Variants in NEK9 observed in about 807,000 individuals in gnomAD.
NEK9 encodes the protein NIMA related kinase 9.
NEK9 carries 75 observed loss-of-function variants against 123.4 expected under a neutral mutation model. The ratio of observed to expected loss-of-function variants is 0.61; its 90% confidence interval spans 0.50 to 0.74. NEK9 has a LOEUF of 0.74. NEK9 is among the 30% of genes least tolerant of loss of function. The pLI is 0.00. For missense variants in NEK9, 952 were observed against 1,214.4 expected (o/e 0.78, Z 3.21); for synonymous variants, 438 against 458.7 (o/e 0.95, Z 0.58).
At chr14:75,103,778 T>G in intron 14 of NEK9, 64 bp downstream of exon 14, 1 of 1,522,826 alleles carries the variant, frequency 6.6e-7, no homozygotes, top group Non-Finnish European at 8.9e-7. Context: ...TAATGGCATC[T>G]CAAAGAAATT....
At chr14:75,084,780 A>G (rs1893969949) in intron 21 of NEK9, 94 bp from the exon 22 acceptor site, 1 of 1,530,430 alleles carries the variant, frequency 6.5e-7, no homozygotes, top group Non-Finnish European at 9.0e-7. Context: ...CTTCTAAGGC[A>G]TTGGCTAAGG....
intron 17 of NEK9, 196 bp downstream of exon 17, chr14:75,096,904 G>T (rs1894404407): frequency 2.4e-6 from 1 of 417,394 alleles, no homozygotes; most frequent in South Asian, 1.0e-4. Flanking sequence ...ATAATCAAGA[G>T]ATGGCAGATA....
chr14:75,110,078 C>G (rs1189458937), intron 9 of NEK9, among the ~76,000 whole-genome samples: 2 of 152,234 alleles, frequency 1.3e-5, no homozygotes, highest in African/African-American at 4.8e-5. Flanking sequence ...TTGGCCAGAT[C>G]AGATTCCAGT....
rs1343460839 is a variant in NEK9 at position 75,080,600 on chromosome 14, C to A, written c.*3964G>T. ...CGGGGAAACTCCTCATGTGGAAACT[C>A]ATTTCATTAAAAATGTATGCAGATG... On this transcript the variant is annotated 3_prime_UTR_variant, in exon 22 of 22. Transcript: ENST00000238616. 1 of 151,478 alleles carries A rather than the reference C, an allele frequency of 6.6e-6. No homozygotes were observed. Among genetic ancestry groups the A allele is most frequent in the African/African-American group, 2.4e-5 (1 of 41,220 alleles). 9.4% of individuals were successfully genotyped at this position (151,478 alleles called of 1,614,324 possible). A position where few individuals can be genotyped will look rare whatever the true frequency, so the allele number is the denominator to read the frequency against.
chr14:75,089,646 C>G (rs1894145635), intron 19 of NEK9, among the ~76,000 whole-genome samples: 1 of 152,146 alleles, frequency 6.6e-6, no homozygotes, highest in South Asian at 2.1e-4. Context: ...AGTGATTCTC[C>G]TGGCTCAGCC....
At position 75,082,639 on chromosome 14, in the gene NEK9, T is replaced by C. The variant is rs1461013844; in HGVS notation, c.*1925A>G. 3 of 223,358 alleles carry C rather than the reference T, an allele frequency of 1.3e-5. No homozygotes were observed. The highest frequency in any genetic ancestry group is 6.8e-5 in the African/African-American group (3 of 44,400). 13.8% of individuals were successfully genotyped at this position (223,358 alleles called of 1,614,324 possible). A position where few individuals can be genotyped will look rare whatever the true frequency, so the allele number is the denominator to read the frequency against. ...ACTCACCCACCCCCGGCACTCACTT[T>C]CACCCCACCTTCTCAGCAACCTGCC... On this transcript the variant is annotated 3_prime_UTR_variant, in exon 22 of 22. Transcript: ENST00000238616.
chr14:75,127,059 C>G (rs925776900), upstream of NEK9: 10 of 639,000 alleles, frequency 1.6e-5, no homozygotes, highest in African/African-American at 2.0e-4. Flanking sequence ...GGCTCCTGCC[C>G]CCCGACCCGG....
rs1483129014 is a variant in NEK9, at chr14:75,106,447, T to C, written c.1528+55A>G. 5 of 1,575,716 alleles carry C rather than the reference T, an allele frequency of 3.2e-6. No individual in the cohort carries two copies. In the Admixed American group the frequency reaches 5.0e-5, roughly 16 times the overall value. ...ATGATGGGTTTAGATGCATACAACT[T>C]TGAAGTCAGGTTGTATACCTGTGAA... On this transcript the variant is annotated intron_variant, in intron 12 of 21. Coordinates refer to ENST00000238616, the MANE Select transcript of NEK9 (RefSeq NM_033116.6).
intron 4 of NEK9, among the ~76,000 whole-genome samples, chr14:75,120,130 T>C (rs1022888956): frequency 2.0e-5 from 3 of 152,208 alleles, no homozygotes; most frequent in Admixed American, 2.0e-4. Context: ...GTGAAGAGGC[T>C]TTTATTTAAA....
At chr14:75,100,885 T>C in intron 16 of NEK9, 107 bp downstream of exon 16, 1 of 1,136,416 alleles carries the variant, frequency 8.8e-7, no homozygotes, top group Non-Finnish European at 1.2e-6. Context: ...AATAAAAAAG[T>C]ACATCCACAA....
At position 75,126,744 on chromosome 14, in the gene NEK9, G is replaced by T; in HGVS notation, c.178C>A (p.Arg60Ser). The change falls in exon 1 of 22, where the codon CGC becomes AGC. Residue 60 changes from arginine (R) to serine (S), a missense_variant. Around this residue, in one of 4 missense-constraint regions of NEK9, gnomAD observed 120 missense variants for 97.6 expected, o/e 1.23. Transcript: ENST00000238616. ...LHYIPIRVLGRGAFGEATLYR... is the reference protein window; with the variant it reads ...LHYIPIRVLGSGAFGEATLYR... ...AGCGTGGCTTCCCCGAAGGCGCCGC[G>T]GCCCAGGACGCGGATGGGGATGTAG... 1 of 1,494,546 alleles carries T rather than the reference G, an allele frequency of 6.7e-7. No homozygotes were observed. Among genetic ancestry groups the T allele is most frequent in the African/African-American group, 1.5e-5 (1 of 68,506 alleles). 92.6% of individuals were successfully genotyped at this position (1,494,546 alleles called of 1,614,324 possible). A position where few individuals can be genotyped will look rare whatever the true frequency, so the allele number is the denominator to read the frequency against.
Position 75,106,636 on chromosome 14 carries a change from C to A in NEK9, c.1394G>T (p.Gly465Val). The change falls in exon 12 of 22, where the codon GGC becomes GTC. Residue 465 changes from glycine to valine, a missense_variant. This residue lies in a region of NEK9 where 698 missense variants were observed against 875.6 expected (regional missense o/e 0.80). Coordinates refer to ENST00000238616, the MANE Select transcript of NEK9 (RefSeq NM_033116.6). ...YGCMGVDKVA[G>V]PEVLEPMQLN... The stretch of plus-strand genomic sequence containing the variant: ...CTGCATGGGTTCTAGCACTTCAGGG[C>A]CAGCAACTTTGTCCACCCCCATGCA... 1 of 1,614,060 alleles carries A rather than the reference C, an allele frequency of 6.2e-7. No homozygotes were observed. Among genetic ancestry groups the A allele is most frequent in the Non-Finnish European group, 8.5e-7 (1 of 1,180,014 alleles).
intron 8 of NEK9, among the ~76,000 whole-genome samples, chr14:75,111,348 T>C (rs1894953410): frequency 6.6e-6 from 1 of 152,188 alleles, no homozygotes; most frequent in African/African-American, 2.4e-5. Context: ...GCTCCTGATA[T>C]TTTGCATCAA....
intron 19 of NEK9, among the ~76,000 whole-genome samples, chr14:75,089,592 G>C (rs150177926): frequency 0.018 from 2,702 of 152,078 alleles, 88 homozygotes; most frequent in African/African-American, 0.063. Flanking sequence ...CTGGACTGCA[G>C]TGGTGCGATC....
Sources: gnomAD v4.1 joint callset for allele counts (sites outside exome capture counted in the v4.1 genomes callset) on GRCh38, gnomAD v4.1.1 for gene constraint, gnomAD v4.1.1 regional missense constraint, MANE v1.5 for transcripts, NCBI Gene and HGNC (gene_info 2026-07-23, HGNC 2026-07-21) for gene names.